The following TRIP12 variants were observed in gnomAD, a reference collection of about 807,000 sequenced individuals.
TRIP12 encodes thyroid hormone receptor interactor 12.
Under a neutral mutation model 244.2 loss-of-function variants are expected in TRIP12, and 25 were observed. The ratio of observed to expected loss-of-function variants is 0.10; its 90% CI spans 0.07 to 0.14. TRIP12 has a LOEUF of 0.14. TRIP12 is among the 10% of genes least tolerant of loss of function. TRIP12 has a pLI of 1.00. For synonymous variants in TRIP12, 905 were observed against 873.1 expected, an observed-to-expected ratio of 1.04 and a Z score of -0.64; for missense variants, 1,677 against 2,486.4, an observed-to-expected ratio of 0.67 and a Z score of 6.92.
chr2:229,811,168 C>T lies in TRIP12; in HGVS notation c.2023G>A (p.Ala675Thr), dbSNP rs776146801. Residue 675 changes from alanine (A) to threonine (T), a missense_variant, in exon 14 of 42, where the codon GCA (alanine) becomes ACA (threonine). Transcript: ENST00000675903. Reference protein sequence around the residue: ...KSVESTCLCFARLVDNFQHEE... With the variant: ...KSVESTCLCFTRLVDNFQHEE... Reference sequence around the variant, plus strand: ...TGCTGGAAGTTGTCCACTAGGCGTGCAAAACAAAGGCAAGTGCTTTCTACT... The same window carrying T: ...TGCTGGAAGTTGTCCACTAGGCGTGTAAAACAAAGGCAAGTGCTTTCTACT... 3.1e-6 allele frequency: 5 copies of T among 1,613,982 alleles called. No individual in the cohort carries two copies. The East Asian group carries it at 1.1e-4, about 36-fold the overall frequency.
intron 9 of TRIP12, among the ~76,000 whole-genome samples, chr2:229,817,054 A>G (rs1415180278): frequency 2.0e-5 from 3 of 152,186 alleles, no homozygotes; most frequent in African/African-American, 4.8e-5. Context: ...ATCCTTTATC[A>G]AACTCTGCCA....
At chr2:229,854,283 T>C (rs2059237391) in intron 4 of TRIP12, among the ~76,000 whole-genome samples, 1 of 152,226 alleles carries the variant, frequency 6.6e-6, no homozygotes, top group African/African-American at 2.4e-5. Flanking sequence ...ACATGTAGTA[T>C]TTGATTTTTA....
intron 1 of TRIP12, among the ~76,000 whole-genome samples, chr2:229,917,424 C>CAAAAAAAAAAAAAA (rs2075691427): frequency 1.0e-5 from 1 of 99,844 alleles, no homozygotes; most frequent in Non-Finnish European, 2.1e-5. Context: ...AAAAAATTAC[C>CAAAAAAAAAAAAAA]AAGCACTAAG....
At chr2:229,907,620 C>T (rs1258754175) in intron 1 of TRIP12, among the ~76,000 whole-genome samples, 1 of 152,064 alleles carries the variant, frequency 6.6e-6, no homozygotes, top group Non-Finnish European at 1.5e-5. Context: ...GCCTGGGCAA[C>T]GTGGCAAGAT....
chr2:229,831,175 TAAC>T, intron 6 of TRIP12: 2 of 702,486 alleles, frequency 2.8e-6, no homozygotes, highest in Non-Finnish European at 5.2e-6. Context: ...CATACTGCTG[TAAC>T]AATTGTGATT....
Position 229,903,018 on chromosome 2 carries a change from C to CTTTTTTTTTTT in TRIP12, c.-50+18851_-50+18861dup, listed in dbSNP as rs57794819. 1.7e-4 allele frequency among the ~76,000 whole-genome samples: 18 copies of CTTTTTTTTTTT among 104,888 alleles called. 2 individuals are homozygous for CTTTTTTTTTTT. The highest frequency in any genetic ancestry group is 7.7e-4 in the East Asian group (3 of 3,880). 68.8% of individuals were successfully genotyped at this position (104,888 alleles called of 152,430 possible). A position where few individuals can be genotyped will look rare whatever the true frequency, so the allele number is the denominator to read the frequency against. ...GGTTTTTTTTTCTTTTTCTTTTTTT[C>CTTTTTTTTTTT]TTTTTTTTTTTTTTTTTTGCCAGAA... On this transcript the variant is annotated intron_variant, in intron 1 of 41. Coordinates refer to ENST00000675903, the MANE Select transcript of TRIP12 (RefSeq NM_001348323.3).
chr2:229,873,390 CCTAA>C (rs2154348400), intron 2 of TRIP12, among the ~76,000 whole-genome samples: 1 of 152,286 alleles, frequency 6.6e-6, no homozygotes, highest in Admixed American at 6.5e-5. Context: ...CCTAAACCTA[CCTAA>C]CTATCCAAAA....
At chr2:229,844,683 ACT>A (rs1264399224) in intron 4 of TRIP12, among the ~76,000 whole-genome samples, 2 of 152,290 alleles carry the variant, frequency 1.3e-5, no homozygotes, top group African/African-American at 4.8e-5. Context: ...ATTTGATAAG[ACT>A]CTATAAAAAT....
chr2:229,888,893 C>T (rs1020089043), intron 1 of TRIP12, among the ~76,000 whole-genome samples: 1 of 152,022 alleles, frequency 6.6e-6, no homozygotes, highest in Admixed American at 6.6e-5. Context: ...TACCAACTCT[C>T]TTCTGGAAGT....
intron 8 of TRIP12, among the ~76,000 whole-genome samples, chr2:229,827,836 A>G (rs537153361): frequency 1.3e-5 from 2 of 152,312 alleles, no homozygotes; most frequent in East Asian, 3.9e-4. Context: ...TAAGCTCAAC[A>G]GCTATCATTA....
intron 1 of TRIP12, among the ~76,000 whole-genome samples, chr2:229,895,176 T>A (rs1002445591): frequency 6.6e-6 from 1 of 152,210 alleles, no homozygotes; most frequent in African/African-American, 2.4e-5. Context: ...AAATGTTACA[T>A]AGATTTGGAA....
At chr2:229,870,410 G>A (rs961647912) in intron 2 of TRIP12, among the ~76,000 whole-genome samples, 7 of 152,332 alleles carry the variant, frequency 4.6e-5, no homozygotes, top group Middle Eastern at 3.4e-3. Context: ...AAGCAGTAAC[G>A]TAAGGACAGA....
chr2:229,907,481 T>G (rs559592775), intron 1 of TRIP12, among the ~76,000 whole-genome samples: 1 of 152,286 alleles, frequency 6.6e-6, no homozygotes, highest in East Asian at 1.9e-4. Context: ...CAAAACTGTC[T>G]TTTCAGATGC....
intron 8 of TRIP12, among the ~76,000 whole-genome samples, chr2:229,825,442 A>G (rs1040530084): frequency 6.6e-6 from 1 of 152,242 alleles, no homozygotes; most frequent in Non-Finnish European, 1.5e-5. Context: ...TCACACTTCT[A>G]TGAAGAAATA....
At chr2:229,791,541 A>C (rs1385072623) in intron 29 of TRIP12, among the ~76,000 whole-genome samples, 1 of 152,200 alleles carries the variant, frequency 6.6e-6, no homozygotes, top group Non-Finnish European at 1.5e-5. Context: ...AATCCCTCTT[A>C]AGGACTCAGA....
rs770672653 is a variant in TRIP12 at position 229,858,963 on chromosome 2, G to A, written c.836C>T (p.Ala279Val). 54 of 1,614,058 alleles carry A rather than the reference G, an allele frequency of 3.3e-5. No homozygotes were observed. In the East Asian group the frequency reaches 1.1e-3, roughly 32 times the overall value. ...ACTTCTTCTGGGGCTGGGACTGGAC[G>A]CTGAACGGGAACGCCTGGCCTTGTT... ...DQNKARRSRS[A>V]SSPSPRRSSR... is the part of the protein sequence containing the mutation. The change falls in exon 4 of 42, where the codon GCG becomes GTG. Residue 279 changes from alanine (A) to valine (V), a missense_variant. Ala to Val is a moderately conservative substitution (Grantham distance 64). Transcript: ENST00000675903.
Position 229,860,398 on chromosome 2 carries a change from A to T in TRIP12, c.224+8T>A, listed in dbSNP as rs1422051486. On this transcript the variant is annotated splice_region_variant and intron_variant, in intron 3 of 41. Coordinates refer to ENST00000675903, the MANE Select transcript of TRIP12 (RefSeq NM_001348323.3). ...CCTTGAAAATGTATAAGCAACATGA[A>T]GATTTACCTTTTAGAAAGGTGTCCC... 6.3e-7 allele frequency: 1 copy of T among 1,591,486 alleles called. No homozygotes were observed. The highest frequency in any genetic ancestry group is 1.8e-5 in the Admixed American group (1 of 56,930).
chr2:229,788,986 T>C (rs2040751211), intron 31 of TRIP12, 46 bp from the exon 32 acceptor site: 5 of 1,515,954 alleles, frequency 3.3e-6, no homozygotes, highest in Non-Finnish European at 4.5e-6. Flanking sequence ...AGTAAAATAT[T>C]AGGATTATAT....
intron 2 of TRIP12, among the ~76,000 whole-genome samples, chr2:229,878,444 A>T (rs572491002): frequency 2.0e-4 from 28 of 138,852 alleles, no homozygotes; most frequent in South Asian, 9.1e-4. Flanking sequence ...CAACTGTTTT[A>T]AAAAAAAAAA....
Sources: gnomAD v4.1 joint callset for allele counts (sites outside exome capture counted in the v4.1 genomes callset) on GRCh38, gnomAD v4.1.1 for gene constraint, MANE v1.5 for transcripts, NCBI Gene and HGNC (gene_info 2026-07-23, HGNC 2026-07-21) for gene names.